EYA2: variants seen among roughly 807,000 people sequenced by gnomAD.
The protein encoded by EYA2 is EYA transcriptional coactivator and phosphatase 2.
In EYA2, 31 loss-of-function variants were observed where a neutral mutation model predicts 69.2. The observed-to-expected ratio is 0.45, with a 90% CI of 0.34 to 0.60. The LOEUF (loss-of-function observed/expected upper bound fraction) is 0.60. Ranked by LOEUF, EYA2 falls within the 20% of genes least tolerant of loss-of-function variation. The pLI, the probability that EYA2 is intolerant of heterozygous loss-of-function variation, is 0.02. For missense variants in EYA2, 622 were observed against 701.2 expected (o/e 0.89, Z 1.28); for synonymous variants, 257 against 279.4 (o/e 0.92, Z 0.80).
intron 9 of EYA2, among the ~76,000 whole-genome samples, chr20:47,108,432 C>G (rs1209301217): frequency 6.6e-6 from 1 of 152,198 alleles, no homozygotes; most frequent in Non-Finnish European, 1.5e-5. Flanking sequence ...GATGCTGTTG[C>G]CATGCTTCTT....
At position 46,935,018 on chromosome 20, in the gene EYA2, G is replaced by C. The variant is rs568431489; in HGVS notation, c.-11+40031G>C. Among the ~76,000 whole-genome samples, 17 of 152,348 alleles carry C rather than the reference G, an allele frequency of 1.1e-4. No individual in the cohort carries two copies. In the East Asian group the frequency reaches 3.1e-3, roughly 28 times the overall value. Reference sequence around the variant, plus strand: ...CTGATTATATTCTAATCATACCCTAGGGTAGTGCTAGGAAGCAAGACTGGA... The same window carrying C: ...CTGATTATATTCTAATCATACCCTACGGTAGTGCTAGGAAGCAAGACTGGA... On this transcript the variant is annotated intron_variant, in intron 1 of 15. Coordinates refer to ENST00000327619, the MANE Select transcript of EYA2 (RefSeq NM_005244.5).
At chr20:46,983,331 G>A (rs1568702731) in intron 1 of EYA2, among the ~76,000 whole-genome samples, 1 of 152,146 alleles carries the variant, frequency 6.6e-6, no homozygotes, top group African/African-American at 2.4e-5. Flanking sequence ...CAAAAGAAAA[G>A]TTTTTCTGCT....
At chr20:46,931,922 T>C (rs888624915) in intron 1 of EYA2, among the ~76,000 whole-genome samples, 6 of 151,084 alleles carry the variant, frequency 4.0e-5, no homozygotes, top group Admixed American at 2.0e-4. Context: ...AAGAGATTAA[T>C]TCGTGTGGCC....
At chr20:47,070,941 T>C (rs1021682358) in intron 5 of EYA2, among the ~76,000 whole-genome samples, 1 of 152,100 alleles carries the variant, frequency 6.6e-6, no homozygotes, top group Admixed American at 6.6e-5. Context: ...CTCAAACTCC[T>C]AGGTTCAAGC....
At chr20:47,004,907 G>C (rs1237657500) in intron 3 of EYA2, 35 bp from the exon 4 acceptor site, 1 of 1,614,008 alleles carries the variant, frequency 6.2e-7, no homozygotes. Flanking sequence ...TGCCAGACTG[G>C]GCCTGGAGAT....
At chr20:46,983,487 C>A (rs763274415) in intron 1 of EYA2, among the ~76,000 whole-genome samples, 1 of 152,154 alleles carries the variant, frequency 6.6e-6, no homozygotes, top group Non-Finnish European at 1.5e-5. Flanking sequence ...CTCAAGGCTC[C>A]TCATCCTTAT....
intron 12 of EYA2, 82 bp from the exon 13 acceptor site, chr20:47,179,716 A>G (rs1311926678): frequency 5.8e-5 from 55 of 944,142 alleles, no homozygotes; most frequent in Non-Finnish European, 1.1e-5. Flanking sequence ...CTCAGGGTAC[A>G]GTAGCTAGAT....
intron 5 of EYA2, among the ~76,000 whole-genome samples, chr20:47,066,637 A>G (rs900454596): frequency 6.6e-6 from 1 of 152,156 alleles, no homozygotes; most frequent in African/African-American, 2.4e-5. Context: ...ATTTACTCCT[A>G]TCCCTTTGCC....
At chr20:47,056,198 G>A (rs6012104) in intron 5 of EYA2, among the ~76,000 whole-genome samples, 3,332 of 152,260 alleles carry the variant, frequency 0.022, 132 homozygotes, top group African/African-American at 0.077. Flanking sequence ...GACAGGCTCC[G>A]GGTGTGGGTT....
At chr20:47,120,916 G>A (rs948634541) in intron 9 of EYA2, among the ~76,000 whole-genome samples, 5 of 152,162 alleles carry the variant, frequency 3.3e-5, no homozygotes, top group Non-Finnish European at 7.3e-5. Context: ...TGGCCTCATC[G>A]AATGGGTTGG....
chr20:46,954,113 C>T (rs572497576), intron 1 of EYA2, among the ~76,000 whole-genome samples: 3 of 152,280 alleles, frequency 2.0e-5, no homozygotes, highest in African/African-American at 4.8e-5. Context: ...TCTTTCCTAC[C>T]TCCTCTTCAC....
intron 4 of EYA2, among the ~76,000 whole-genome samples, chr20:47,005,342 C>T (rs373363084): frequency 3.2e-4 from 48 of 152,178 alleles, no homozygotes; most frequent in African/African-American, 1.1e-3. Flanking sequence ...ATTTGCATAC[C>T]GAGAGATCTG....
intron 7 of EYA2, among the ~76,000 whole-genome samples, chr20:47,087,038 A>G (rs1170153096): frequency 6.6e-6 from 1 of 152,134 alleles, no homozygotes; most frequent in Non-Finnish European, 1.5e-5. Context: ...CTTTTTCCAG[A>G]GGAAAGTCTT....
At chr20:47,049,583 C>T (rs900175360) in intron 5 of EYA2, among the ~76,000 whole-genome samples, 2 of 151,892 alleles carry the variant, frequency 1.3e-5, no homozygotes, top group African/African-American at 4.8e-5. Flanking sequence ...TGCTCTGTCT[C>T]GTCGTGTGAC....
At chr20:47,085,367 G>T (rs1807877) in intron 7 of EYA2, among the ~76,000 whole-genome samples, 2,770 of 152,126 alleles carry the variant, frequency 0.018, 79 homozygotes, top group African/African-American at 0.064. Flanking sequence ...GAAATATTAG[G>T]CTGGGCATGG....
chr20:46,941,475 G>C (rs1267067569), intron 1 of EYA2, among the ~76,000 whole-genome samples: 1 of 152,226 alleles, frequency 6.6e-6, no homozygotes, highest in Non-Finnish European at 1.5e-5. Context: ...ATATCCATCT[G>C]ACAGGGTTAC....
chr20:47,135,850 CAAACAA>C (rs2033460193), intron 9 of EYA2, among the ~76,000 whole-genome samples: 1 of 61,232 alleles, frequency 1.6e-5, no homozygotes, highest in African/African-American at 1.1e-4. Flanking sequence ...AACAAACAAA[CAAACAA>C]AAAACTAATT....
chr20:47,030,626 C>T (rs997708697), intron 5 of EYA2, among the ~76,000 whole-genome samples: 1 of 146,036 alleles, frequency 6.8e-6, no homozygotes, highest in Non-Finnish European at 1.5e-5. Context: ...TTTATTTTCT[C>T]ACAGCTCTGG....
chr20:46,950,155 G>T (rs996552486), intron 1 of EYA2, among the ~76,000 whole-genome samples: 1 of 152,186 alleles, frequency 6.6e-6, no homozygotes, highest in Non-Finnish European at 1.5e-5. Context: ...CAGGGCAAGG[G>T]TTTCTCCCAG....
Sources: allele counts gnomAD v4.1 joint callset (sites outside exome capture counted in the v4.1 genomes callset), GRCh38; gene constraint gnomAD v4.1.1; transcripts MANE v1.5; gene names NCBI Gene and HGNC (gene_info 2026-07-23, HGNC 2026-07-21).